Variants in B3GALT1 observed in about 807,000 individuals in gnomAD.
B3GALT1 encodes beta-1,3-galactosyltransferase 1.
Under a neutral mutation model 23.2 loss-of-function variants are expected in B3GALT1, and 10 were observed. That is an observed-to-expected ratio of 0.43 (90% CI 0.27 to 0.73). B3GALT1 has a LOEUF of 0.73. Ranked by LOEUF, B3GALT1 falls within the 30% of genes least tolerant of loss-of-function variation. The pLI, the probability that B3GALT1 is intolerant of heterozygous loss-of-function variation, is 0.21. For synonymous variants in B3GALT1, 156 were observed against 141.5 expected, an observed-to-expected ratio of 1.10 and a Z score of -0.73; for missense variants, 299 against 405.4, an observed-to-expected ratio of 0.74 and a Z score of 2.25.
chr2:167,604,782 C>G (rs1684933925), intron 2 of B3GALT1, among the ~76,000 whole-genome samples: 2 of 152,004 alleles, frequency 1.3e-5, no homozygotes, highest in South Asian at 4.1e-4. Context: ...TGTTTGGTGC[C>G]CAGTCTGTGA....
intron 3 of B3GALT1, among the ~76,000 whole-genome samples, chr2:167,813,067 A>C (rs1688924577): frequency 7.4e-6 from 1 of 135,888 alleles, no homozygotes; most frequent in African/African-American, 2.7e-5. Flanking sequence ...TATCTGGATG[A>C]TATCTGTCTT....
At position 167,726,384 on chromosome 2, in the gene B3GALT1, G is replaced by T. The variant is rs529854985; in HGVS notation, c.-352+79418G>T. 1.1e-4 allele frequency among the ~76,000 whole-genome samples: 17 copies of T among 152,198 alleles called. 1 individual carries two copies. The highest frequency in any genetic ancestry group is 3.9e-4 in the African/African-American group (16 of 41,524). The stretch of plus-strand genomic sequence containing the variant: ...CCAGGAATCCGCCCACCTGCCCCTT[G>T]TCCAGGCATATTGCCCTGCCCAAGA... On this transcript the variant is annotated intron_variant, in intron 3 of 4. Coordinates refer to ENST00000392690, the MANE Select transcript of B3GALT1 (RefSeq NM_020981.4).
intron 3 of B3GALT1, among the ~76,000 whole-genome samples, chr2:167,807,058 G>A (rs921275005): frequency 2.1e-4 from 32 of 152,112 alleles, no homozygotes; most frequent in Middle Eastern, 3.4e-3. Context: ...TGTATGTGTC[G>A]AGGAACTTAT....
chr2:167,555,088 A>G (rs1390711167), intron 2 of B3GALT1, among the ~76,000 whole-genome samples: 2 of 152,202 alleles, frequency 1.3e-5, no homozygotes, highest in African/African-American at 4.8e-5. Context: ...TAACTGAACT[A>G]TATGCCATGG....
chr2:167,792,253 T>G (rs1688451004), intron 3 of B3GALT1, among the ~76,000 whole-genome samples: 1 of 152,172 alleles, frequency 6.6e-6, no homozygotes, highest in Admixed American at 6.5e-5. Flanking sequence ...CCTGTAGACA[T>G]CTCTCCAAAA....
intron 2 of B3GALT1, among the ~76,000 whole-genome samples, chr2:167,534,356 T>A (rs533974540): frequency 2.0e-5 from 3 of 152,152 alleles, no homozygotes; most frequent in Non-Finnish European, 4.4e-5. Context: ...TTTCTTCATA[T>A]CTGTTATCTA....
intron 1 of B3GALT1, among the ~76,000 whole-genome samples, chr2:167,444,965 A>G (rs1462856112): frequency 6.6e-6 from 1 of 152,084 alleles, no homozygotes; most frequent in African/African-American, 2.4e-5. Flanking sequence ...TTAGGGTGTC[A>G]ATTTTAGATC....
intron 2 of B3GALT1, among the ~76,000 whole-genome samples, chr2:167,611,968 GA>G (rs1175633031): frequency 6.6e-6 from 1 of 151,924 alleles, no homozygotes; most frequent in Non-Finnish European, 1.5e-5. Context: ...TGTTTAATTT[GA>G]AAAAGAGAAC....
chr2:167,420,624 T>C (rs1340213813), intron 1 of B3GALT1, among the ~76,000 whole-genome samples: 1 of 152,192 alleles, frequency 6.6e-6, no homozygotes, highest in Non-Finnish European at 1.5e-5. Flanking sequence ...TGTTTTGAAA[T>C]AAATTTAAAT....
At chr2:167,834,380 C>T (rs1689415359) in intron 4 of B3GALT1, among the ~76,000 whole-genome samples, 1 of 152,134 alleles carries the variant, frequency 6.6e-6, no homozygotes, top group African/African-American at 2.4e-5. Flanking sequence ...ATTGTGCATC[C>T]TTTGTAAGGT....
chr2:167,608,858 C>CA (rs1685011568), intron 2 of B3GALT1, among the ~76,000 whole-genome samples: 1 of 151,978 alleles, frequency 6.6e-6, no homozygotes, highest in Non-Finnish European at 1.5e-5. Flanking sequence ...GGTTTCTTAC[C>CA]AAAAAGCCAT....
chr2:167,621,462 G>A (rs1483608104), intron 2 of B3GALT1, among the ~76,000 whole-genome samples: 1 of 152,038 alleles, frequency 6.6e-6, no homozygotes, highest in East Asian at 1.9e-4. Context: ...AGCAGTCATT[G>A]ATGAACCTTT....
chr2:167,464,656 G>A (rs554214605), intron 1 of B3GALT1, among the ~76,000 whole-genome samples: 1 of 152,268 alleles, frequency 6.6e-6, no homozygotes, highest in African/African-American at 2.4e-5. Flanking sequence ...TATTAGTTGA[G>A]TGAACTGAAG....
intron 1 of B3GALT1, among the ~76,000 whole-genome samples, chr2:167,314,470 A>G (rs1696681132): frequency 6.6e-6 from 1 of 152,084 alleles, no homozygotes; most frequent in Non-Finnish European, 1.5e-5. Flanking sequence ...TAAAGACCTA[A>G]TTTGTTCCAG....
At chr2:167,374,108 T>A (rs1697727991) in intron 1 of B3GALT1, among the ~76,000 whole-genome samples, 1 of 152,322 alleles carries the variant, frequency 6.6e-6, no homozygotes, top group South Asian at 2.1e-4. Context: ...AGTGAGAACA[T>A]GCAGTGTTTG....
chr2:167,489,140 G>A (rs1468668894), intron 1 of B3GALT1, among the ~76,000 whole-genome samples: 2 of 152,024 alleles, frequency 1.3e-5, no homozygotes, highest in Non-Finnish European at 1.5e-5. Context: ...ACTTCCATAG[G>A]CAGATCATTT....
intron 3 of B3GALT1, among the ~76,000 whole-genome samples, chr2:167,782,884 G>A (rs1018060259): frequency 4.6e-5 from 7 of 152,116 alleles, no homozygotes; most frequent in Non-Finnish European, 1.0e-4. Context: ...AGTAAAAAGA[G>A]AATAATAAGA....
At chr2:167,804,865 C>T (rs539118745) in intron 3 of B3GALT1, among the ~76,000 whole-genome samples, 5,005 of 151,994 alleles carry the variant, frequency 0.033, 120 homozygotes, top group South Asian at 0.069. Flanking sequence ...CTGGGTCAAA[C>T]GGTATTTCTA....
chr2:167,564,554 G>T (rs2105394047), intron 2 of B3GALT1, among the ~76,000 whole-genome samples: 1 of 152,286 alleles, frequency 6.6e-6, no homozygotes, highest in East Asian at 1.9e-4. Flanking sequence ...CCACGCCACT[G>T]CACTCCAGCC....
Sources: gnomAD v4.1 joint callset for allele counts (sites outside exome capture counted in the v4.1 genomes callset) on GRCh38, gnomAD v4.1.1 for gene constraint, MANE v1.5 for transcripts, NCBI Gene and HGNC (gene_info 2026-07-23, HGNC 2026-07-21) for gene names.